The following TRHDE variants were observed in gnomAD, a reference collection of about 807,000 sequenced individuals.
TRHDE encodes thyrotropin releasing hormone degrading enzyme, also known as thyrotropin-releasing hormone-degrading ectoenzyme.
TRHDE carries 72 observed loss-of-function variants against 125.7 expected under a neutral mutation model. The observed-to-expected ratio is 0.57, with a 90% CI of 0.47 to 0.70. The LOEUF is 0.70. Among genes scored for constraint, TRHDE ranks in the 30% least tolerant of loss-of-function variants. The pLI is 0.00. For synonymous variants in TRHDE, 509 were observed against 509.1 expected (o/e 1.00, Z 0.00); for missense variants, 1,110 against 1,327.1 (o/e 0.84, Z 2.54).
rs1448847916 is a variant in TRHDE, at chr12:72,665,491, A to G, written c.*2296A>G. 2.0e-5 allele frequency: 3 copies of G among 152,462 alleles called. No homozygotes were observed. The highest frequency in any genetic ancestry group is 2.9e-5 in the Non-Finnish European group (2 of 67,962). 9.4% of individuals were successfully genotyped at this position (152,462 alleles called of 1,614,324 possible). On this transcript the variant is annotated 3_prime_UTR_variant, in exon 19 of 19. Coordinates refer to ENST00000261180, the MANE Select transcript of TRHDE (RefSeq NM_013381.3). The stretch of plus-strand genomic sequence containing the variant: ...GTGTTTTTGTTCTACATATTTTTCA[A>G]TAATTTATTCTTTCTAATGTTGAAA...
intron 2 of TRHDE, among the ~76,000 whole-genome samples, chr12:72,347,896 A>G (rs1230498733): frequency 6.6e-6 from 1 of 152,024 alleles, no homozygotes; most frequent in African/African-American, 2.4e-5. Flanking sequence ...TACCAGGCTC[A>G]GGTGACACTC....
chr12:72,661,953 ACT>A (rs1874935231), intron 18 of TRHDE, among the ~76,000 whole-genome samples: 1 of 152,136 alleles, frequency 6.6e-6, no homozygotes, highest in African/African-American at 2.4e-5. Flanking sequence ...CAGAGTAAAA[ACT>A]CTGAGAAAAC....
intron 15 of TRHDE, among the ~76,000 whole-genome samples, chr12:72,631,977 T>C (rs905492279): frequency 6.6e-6 from 1 of 151,938 alleles, no homozygotes; most frequent in Admixed American, 6.6e-5. Context: ...AGTACGTTGA[T>C]GGATAAGATA....
chr12:72,446,836 C>T (rs891651029), intron 3 of TRHDE, among the ~76,000 whole-genome samples: 7 of 152,038 alleles, frequency 4.6e-5, no homozygotes, highest in Admixed American at 6.6e-5. Flanking sequence ...TATATATGCA[C>T]CCAATGCAGG....
chr12:72,276,341 TA>T lies in TRHDE; in HGVS notation c.914+2789del, dbSNP rs780115668. On this transcript the variant is annotated intron_variant, in intron 1 of 18. Coordinates refer to ENST00000261180, the MANE Select transcript of TRHDE (RefSeq NM_013381.3). ...TTTAATTATAGGGTAATGTCTGTAA[TA>T]AAAACAAATATGTAATCTGATAAAG... 1.9e-4 allele frequency among the ~76,000 whole-genome samples: 29 copies of T among 152,324 alleles called. No individual in the cohort carries two copies. The East Asian group carries it at 5.0e-3, about 26-fold the overall frequency.
At chr12:72,488,817 A>T (rs754600663) in intron 5 of TRHDE, among the ~76,000 whole-genome samples, 10 of 151,944 alleles carry the variant, frequency 6.6e-5, no homozygotes, top group Non-Finnish European at 1.3e-4. Flanking sequence ...TTCAGACCAC[A>T]GTGGTCTGAA....
At chr12:72,339,327 C>G (rs1032609503) in intron 2 of TRHDE, among the ~76,000 whole-genome samples, 1 of 152,156 alleles carries the variant, frequency 6.6e-6, no homozygotes, top group Non-Finnish European at 1.5e-5. Context: ...ACTAGTATTA[C>G]TATCTTCATC....
At position 72,417,085 on chromosome 12, in the gene TRHDE, T is replaced by C. The variant is rs78031644; in HGVS notation, c.1315+38964T>C. Reference sequence around the variant, plus strand: ...TTCATTGTAGAGATCTTTTGTTTCTTTGGTTAAGTTAATTCCTGGGTATTT... The same window carrying C: ...TTCATTGTAGAGATCTTTTGTTTCTCTGGTTAAGTTAATTCCTGGGTATTT... On this transcript the variant is annotated intron_variant, in intron 3 of 18. Transcript: ENST00000261180. 9.3e-3 allele frequency among the ~76,000 whole-genome samples: 1,419 copies of C among 152,202 alleles called. 15 individuals carry two copies. The highest frequency in any genetic ancestry group is 0.033 in the African/African-American group (1,359 of 41,558).
chr12:72,240,763 T>C (rs1339000835), intron 2 of TRHDE, among the ~76,000 whole-genome samples: 1 of 152,050 alleles, frequency 6.6e-6, no homozygotes, highest in African/African-American at 2.4e-5. Flanking sequence ...TAATAGATAC[T>C]GGGTTTCACC....
At chr12:72,241,176 A>G (rs1462574138) in intron 2 of TRHDE, among the ~76,000 whole-genome samples, 1 of 152,162 alleles carries the variant, frequency 6.6e-6, no homozygotes, top group Non-Finnish European at 1.5e-5. Context: ...GTTAACATAC[A>G]AGGACTTTTT....
intron 3 of TRHDE, among the ~76,000 whole-genome samples, chr12:72,414,869 A>G (rs1382618506): frequency 1.3e-5 from 2 of 152,102 alleles, no homozygotes; most frequent in Admixed American, 6.6e-5. Context: ...CAGTGTTACT[A>G]TGCTTTTATT....
At chr12:72,490,846 T>G (rs1007805736) in intron 5 of TRHDE, among the ~76,000 whole-genome samples, 1 of 150,990 alleles carries the variant, frequency 6.6e-6, no homozygotes, top group Non-Finnish European at 1.5e-5. Flanking sequence ...AATGGGAAGA[T>G]GTAGTTAAGA....
At chr12:72,452,267 C>G (rs1219334324) in intron 3 of TRHDE, among the ~76,000 whole-genome samples, 2 of 151,968 alleles carry the variant, frequency 1.3e-5, no homozygotes, top group Non-Finnish European at 2.9e-5. Flanking sequence ...TATAGAAACA[C>G]TACTGATTTC....
rs539561887 is a variant in TRHDE at position 72,349,588 on chromosome 12, A to G, written c.1189-28407A>G. On this transcript the variant is annotated intron_variant, in intron 2 of 18. Coordinates refer to ENST00000261180, the MANE Select transcript of TRHDE (RefSeq NM_013381.3). ...TGGTGTGGCTTATAGACAAATACACATCCTTACAGTGTTCAGAGCAGTAGA... is the reference window on the plus strand; with the variant it reads ...TGGTGTGGCTTATAGACAAATACACGTCCTTACAGTGTTCAGAGCAGTAGA... Among the ~76,000 whole-genome samples the G allele has an allele frequency of 2.0e-5, 3 of 152,044 alleles. No homozygotes were observed. The East Asian group carries it at 5.8e-4, about 30-fold the overall frequency.
chr12:72,554,430 A>G (rs1869825332), intron 7 of TRHDE, among the ~76,000 whole-genome samples: 1 of 152,232 alleles, frequency 6.6e-6, no homozygotes, highest in African/African-American at 2.4e-5. Context: ...CCAAGATCAC[A>G]TGACTGGTAG....
In TRHDE at chr12:72,542,374, T is replaced by C. The variant is rs202083774; in HGVS notation, c.1788+18T>C. 6.3e-7 allele frequency: 1 copy of C among 1,589,016 alleles called. No homozygotes were observed. The highest frequency in any genetic ancestry group is 8.6e-7 in the Non-Finnish European group (1 of 1,163,954). On this transcript the variant is annotated intron_variant, in intron 7 of 18. Coordinates refer to ENST00000261180, the MANE Select transcript of TRHDE (RefSeq NM_013381.3). The stretch of plus-strand genomic sequence containing the variant: ...GTTTGCAAGTAAGTAAAATGCTTTT[T>C]ATTTTCTTTTACATTTTTCCTTGTC...
intron 3 of TRHDE, among the ~76,000 whole-genome samples, chr12:72,399,965 C>G (rs780528443): frequency 1.3e-5 from 2 of 152,112 alleles, no homozygotes; most frequent in African/African-American, 2.4e-5. Flanking sequence ...ATTTCCCACT[C>G]TGCCACTAAC....
intron 2 of TRHDE, among the ~76,000 whole-genome samples, chr12:72,125,395 TA>T (rs980065503): frequency 6.6e-6 from 1 of 152,128 alleles, no homozygotes; most frequent in East Asian, 1.9e-4. Flanking sequence ...GCTTACCTAT[TA>T]AAAAAACTGG....
At chr12:72,098,996 C>T (rs187409686) in intron 1 of TRHDE, among the ~76,000 whole-genome samples, 293 of 152,210 alleles carry the variant, frequency 1.9e-3, no homozygotes, top group Non-Finnish European at 3.6e-3. Context: ...GAAACTCTGT[C>T]TCTATTAAAA....
Sources: allele counts gnomAD v4.1 joint callset (sites outside exome capture counted in the v4.1 genomes callset), GRCh38; gene constraint gnomAD v4.1.1; transcripts MANE v1.5; gene names NCBI Gene and HGNC (gene_info 2026-07-23, HGNC 2026-07-21).